VAPA: variants seen among roughly 807,000 people sequenced by gnomAD.
The protein encoded by VAPA is VAMP associated protein A, also known as vesicle-associated membrane protein-associated protein A.
VAPA carries 6 observed loss-of-function variants against 25.6 expected under a neutral mutation model. The observed-to-expected ratio is 0.23, with a 90% CI of 0.13 to 0.46. VAPA has a LOEUF of 0.46. Ranked by LOEUF, VAPA falls within the 20% of genes least tolerant of loss-of-function variation. The pLI, the probability that VAPA is intolerant of heterozygous loss-of-function variation, is 0.99. For missense variants in VAPA, 244 were observed against 302.1 expected (o/e 0.81, Z 1.43); for synonymous variants, 112 against 106.2 (o/e 1.05, Z -0.34).
intron 4 of VAPA, among the ~76,000 whole-genome samples, chr18:9,943,835 A>G (rs1403903700): frequency 2.7e-5 from 2 of 74,322 alleles, no homozygotes; most frequent in Non-Finnish European, 5.7e-5. Context: ...AAGGTGACAT[A>G]TTTCCCTTTT....
chr18:9,926,655 A>G (rs1473072368), intron 1 of VAPA, among the ~76,000 whole-genome samples: 2 of 152,168 alleles, frequency 1.3e-5, no homozygotes, highest in African/African-American at 2.4e-5. Flanking sequence ...AGTTTGCATC[A>G]TAACTAGAAA....
intron 2 of VAPA, among the ~76,000 whole-genome samples, chr18:9,933,726 C>G (rs188804332): frequency 3.3e-5 from 5 of 152,194 alleles, no homozygotes; most frequent in African/African-American, 1.2e-4. Flanking sequence ...TTAGTAGAGG[C>G]AGGGTTTCAC....
intron 4 of VAPA, among the ~76,000 whole-genome samples, chr18:9,938,425 G>A (rs1340996733): frequency 6.6e-6 from 1 of 152,196 alleles, no homozygotes; most frequent in African/African-American, 2.4e-5. Flanking sequence ...GGCAATGACA[G>A]TTGAACCTCG....
rs2069162947 is a variant in VAPA at position 9,922,238 on chromosome 18, G to T, written c.79+7903G>T. Among the ~76,000 whole-genome samples the T allele has an allele frequency of 2.6e-5, 4 of 152,054 alleles. No individual in the cohort carries two copies. In the South Asian group the frequency reaches 8.3e-4, roughly 32 times the overall value. On this transcript the variant is annotated intron_variant, in intron 1 of 5. Transcript: ENST00000400000. ...TCCTGCCTCAGCCTCCCAAAGTGCT[G>T]GAATTACAGGCATGAGCTACCATAC... is the stretch of plus-strand genomic sequence containing the variant.
intron 4 of VAPA, among the ~76,000 whole-genome samples, chr18:9,944,306 A>T (rs192546031): frequency 6.6e-6 from 1 of 152,112 alleles, no homozygotes; most frequent in African/African-American, 2.4e-5. Context: ...AGACAGAACA[A>T]ATGGGGTATC....
chr18:9,932,960 T>C (rs2069271577), intron 2 of VAPA, among the ~76,000 whole-genome samples: 1 of 151,838 alleles, frequency 6.6e-6, no homozygotes. Flanking sequence ...TACAAAAAAT[T>C]AGTCGGGTGT....
intron 3 of VAPA, chr18:9,936,671 C>T (rs1041516608): frequency 4.5e-5 from 12 of 267,780 alleles, no homozygotes; most frequent in Middle Eastern, 1.1e-3. Flanking sequence ...TGCTTGAGCC[C>T]AGGAGGGGCG....
At chr18:9,934,819 TA>T (rs1205287068) in intron 2 of VAPA, among the ~76,000 whole-genome samples, 1 of 152,010 alleles carries the variant, frequency 6.6e-6, no homozygotes, top group Non-Finnish European at 1.5e-5. Context: ...TATAAATGCT[TA>T]AAAATTGCTC....
In VAPA at chr18:9,959,271, C is replaced by CT. The variant is rs1164808947; in HGVS notation, c.*5063dup. 1 of 152,156 alleles carries CT rather than the reference C, an allele frequency of 6.6e-6. No homozygotes were observed. Among genetic ancestry groups the CT allele is most frequent in the Non-Finnish European group, 1.5e-5 (1 of 68,026 alleles). The allele number at this position is 152,156 out of a possible 1,614,324, so 9.4% of individuals were successfully genotyped here. On this transcript the variant is annotated 3_prime_UTR_variant, in exon 6 of 6. Transcript: ENST00000400000. ...CAATTTTGTGATGCCTTTGATTCCA[C>CT]TTTACATGGAGTACTATTATTTGTG...
At chr18:9,950,285 CT>C in intron 4 of VAPA, 109 bp from the exon 5 acceptor site, 1 of 1,234,550 alleles carries the variant, frequency 8.1e-7, no homozygotes. Flanking sequence ...TGATTTAGGC[CT>C]TTTAAAGAGT....
chr18:9,918,530 C>T (rs1410590710), intron 1 of VAPA, among the ~76,000 whole-genome samples: 4 of 152,148 alleles, frequency 2.6e-5, no homozygotes, highest in East Asian at 3.9e-4. Context: ...CTAAAAAAAA[C>T]CCTCAATTCT....
chr18:9,916,439 C>T (rs552298209), intron 1 of VAPA, among the ~76,000 whole-genome samples: 1 of 152,264 alleles, frequency 6.6e-6, no homozygotes, highest in South Asian at 2.1e-4. Flanking sequence ...AAGGAAAAGG[C>T]TTGTTTTTCA....
In VAPA at chr18:9,954,168, C is replaced by T. The variant is rs2069518893; in HGVS notation, c.707C>T (p.Ala236Val). 9 of 1,613,692 alleles carry T rather than the reference C, an allele frequency of 5.6e-6. No homozygotes were observed. The highest frequency in any genetic ancestry group is 7.6e-6 in the Non-Finnish European group (9 of 1,179,718). ...SPLPSLLVVI[A>V]AIFIGFFLGK... ...CTTCCTTCACTTCTTGTTGTAATTGCAGCCATTTTCATTGGATTCTTTCTA... is the reference window on the plus strand; with the variant it reads ...CTTCCTTCACTTCTTGTTGTAATTGTAGCCATTTTCATTGGATTCTTTCTA... Residue 236 changes from alanine (A) to valine (V), a missense_variant, in exon 6 of 6, where the codon GCA becomes GTA. This residue lies in a region of VAPA where 145 missense variants were observed against 140.6 expected (regional missense o/e 1.03). Coordinates refer to ENST00000400000, the MANE Select transcript of VAPA (RefSeq NM_194434.3).
At chr18:9,945,028 A>T in intron 4 of VAPA, 1 of 1,614,108 alleles carries the variant, frequency 6.2e-7, no homozygotes, top group Non-Finnish European at 8.5e-7. Context: ...ACCCCAGGGG[A>T]CTCAGTGTGT....
chr18:9,932,088 A>T, intron 2 of VAPA, 126 bp downstream of exon 2: 1 of 701,572 alleles, frequency 1.4e-6, no homozygotes, highest in Non-Finnish European at 2.3e-6. Context: ...TTTGCCTTTA[A>T]AGATGTCTTG....
intron 1 of VAPA, among the ~76,000 whole-genome samples, chr18:9,920,448 G>C (rs371843014): frequency 6.6e-6 from 1 of 152,080 alleles, no homozygotes; most frequent in Non-Finnish European, 1.5e-5. Context: ...GATTACAGGC[G>C]TGCACCACCA....
At chr18:9,914,946 C>T (rs2069099664) in intron 1 of VAPA, 1 of 152,486 alleles carries the variant, frequency 6.6e-6, no homozygotes, top group South Asian at 2.1e-4. Context: ...CGGAGGGCGT[C>T]GCTTGTCACC....
intron 1 of VAPA, chr18:9,914,566 G>A (rs1157725216): frequency 4.7e-6 from 1 of 211,618 alleles, no homozygotes; most frequent in Non-Finnish European, 9.2e-6. Context: ...TGCGCGCGCC[G>A]GCCGGGGCGA....
chr18:9,949,406 A>G (rs962036630), intron 4 of VAPA: 3 of 152,192 alleles, frequency 2.0e-5, no homozygotes, highest in Non-Finnish European at 4.4e-5. Flanking sequence ...CTTCATAAGA[A>G]TAACAAGTTT....
Sources: allele counts gnomAD v4.1 joint callset (sites outside exome capture counted in the v4.1 genomes callset), GRCh38; gene constraint gnomAD v4.1.1; regional missense constraint gnomAD v4.1.1; transcripts MANE v1.5; gene names NCBI Gene and HGNC (gene_info 2026-07-23, HGNC 2026-07-21).